Variants in EWSR1 observed in about 807,000 individuals in gnomAD.
EWSR1 encodes the protein RNA-binding protein EWS.
Under a neutral mutation model 92.1 loss-of-function variants are expected in EWSR1, and 14 were observed. The ratio of observed to expected loss-of-function variants is 0.15; its 90% CI spans 0.10 to 0.24. The LOEUF is 0.24. Among genes scored for constraint, EWSR1 ranks in the 10% least tolerant of loss-of-function variants. The pLI is 1.00. For missense variants in EWSR1, 637 were observed against 870.9 expected, an observed-to-expected ratio of 0.73 and a Z score of 3.38; for synonymous variants, 303 against 292.9, an observed-to-expected ratio of 1.03 and a Z score of -0.35.
chr22:29,299,624 T>C lies in EWSR1; in HGVS notation c.1704T>C (p.Pro568=). The C allele has an allele frequency of 6.2e-7, 1 of 1,606,480 alleles. No individual in the cohort carries two copies. The highest frequency in any genetic ancestry group is 1.3e-5 in the African/African-American group (1 of 74,822). ...GTGGTGATCGTGGCAGAGGTGGCCC[T>C]GGTGGCATGCGGGGAGGAAGAGGTG... ...PPGGDRGRGG[P]GGMRGGRGGL... is the part of the protein sequence containing the mutation. The change falls in exon 16 of 17, where the codon CCT becomes CCC. Residue 568 remains proline, a synonymous_variant. Coordinates refer to ENST00000397938, the MANE Select transcript of EWSR1 (RefSeq NM_005243.4).
rs554467026 is a variant in EWSR1 at position 29,296,466 on chromosome 22, C to A, written c.1294+98C>A. On this transcript the variant is annotated intron_variant, in intron 12 of 16. Coordinates refer to ENST00000397938, the MANE Select transcript of EWSR1 (RefSeq NM_005243.4). Reference sequence around the variant, plus strand: ...ATAGGAGCAAGAAGACCTTCCATCTCTTCCTGGGGGAGGTAGATGGCCGGT... The same window carrying A: ...ATAGGAGCAAGAAGACCTTCCATCTATTCCTGGGGGAGGTAGATGGCCGGT... 94 of 1,444,022 alleles carry A rather than the reference C, an allele frequency of 6.5e-5. 2 individuals carry two copies. In the South Asian group the frequency reaches 1.2e-3, roughly 18 times the overall value. The allele number at this position is 1,444,022 out of a possible 1,614,324, so 89.5% of individuals were successfully genotyped here.
Position 29,268,400 on chromosome 22 carries a change from C to A in EWSR1, c.13+51C>A, listed in dbSNP as rs374736877. The stretch of plus-strand genomic sequence containing the variant: ...GCCGGCGGTAGCCGGAACGCCCAAA[C>A]TGGGGGTCGTTCGTCTCTGGGCTTG... On this transcript the variant is annotated intron_variant, in intron 1 of 16. Transcript: ENST00000397938. The A allele has an allele frequency of 1.3e-4, 204 of 1,613,766 alleles. No individual in the cohort carries two copies. The African/African-American group carries it at 2.0e-3, about 16-fold the overall frequency.
At chr22:29,268,498 G>C in intron 1 of EWSR1, 149 bp downstream of exon 1, 1 of 1,432,234 alleles carries the variant, frequency 7.0e-7, no homozygotes, top group Admixed American at 1.7e-5. Flanking sequence ...TCGGGGATCC[G>C]CATTCCTCTC....
At chr22:29,284,801 T>G (rs1890325975) in intron 6 of EWSR1, among the ~76,000 whole-genome samples, 1 of 151,178 alleles carries the variant, frequency 6.6e-6, no homozygotes, top group South Asian at 2.1e-4. Flanking sequence ...CCAGATGGGT[T>G]TTTTTGTTTT....
At chr22:29,289,622 A>G (rs1221449887) in intron 8 of EWSR1, 4 of 232,414 alleles carry the variant, frequency 1.7e-5, no homozygotes, top group African/African-American at 8.8e-5. Flanking sequence ...CCCTATATAA[A>G]CTGGTAAAGA....
intron 10 of EWSR1, 78 bp downstream of exon 10, chr22:29,292,247 C>G (rs2060494848): frequency 7.2e-6 from 10 of 1,383,230 alleles, no homozygotes; most frequent in Non-Finnish European, 1.0e-5. Context: ...GCGTAGAGTT[C>G]AGCAGCCTTA....
At position 29,295,488 on chromosome 22, in the gene EWSR1, C is replaced by G. The variant is rs549496802; in HGVS notation, c.1165-751C>G. On this transcript the variant is annotated intron_variant, in intron 11 of 16. Coordinates refer to ENST00000397938, the MANE Select transcript of EWSR1 (RefSeq NM_005243.4). ...CAAAAAAGAAAAAAATGCATTTCCA[C>G]ATTATTCATACCACAGTTTTGCCAT... 78 of 209,936 alleles carry G rather than the reference C, an allele frequency of 3.7e-4. 1 individual carries two copies. Among genetic ancestry groups the G allele is most frequent in the African/African-American group, 1.7e-3 (74 of 44,070 alleles). 13.0% of individuals were successfully genotyped at this position (209,936 alleles called of 1,614,324 possible).
intron 12 of EWSR1, among the ~76,000 whole-genome samples, chr22:29,296,808 A>G (rs1402302023): frequency 6.6e-6 from 1 of 152,212 alleles, no homozygotes; most frequent in Non-Finnish European, 1.5e-5. Flanking sequence ...TGGGAGGCCA[A>G]CATCGGTGCA....
At chr22:29,277,304 C>T (rs762876963) in intron 4 of EWSR1, 7 of 226,930 alleles carry the variant, frequency 3.1e-5, no homozygotes, top group Admixed American at 5.7e-5. Context: ...AACTTGATAA[C>T]GAGGCAGGAA....
intron 12 of EWSR1, 80 bp from the exon 13 acceptor site, chr22:29,297,747 G>C: frequency 6.4e-7 from 1 of 1,566,880 alleles, no homozygotes. Flanking sequence ...ATGCATCTGG[G>C]AGTGGTCATT....
intron 4 of EWSR1, among the ~76,000 whole-genome samples, chr22:29,274,076 G>C (rs1188279021): frequency 6.6e-6 from 1 of 152,192 alleles, no homozygotes; most frequent in African/African-American, 2.4e-5. Context: ...AATTCCAAGA[G>C]AGAAAAGAAC....
intron 5 of EWSR1, among the ~76,000 whole-genome samples, chr22:29,281,300 C>T (rs951035185): frequency 6.6e-6 from 1 of 150,994 alleles, no homozygotes; most frequent in South Asian, 2.1e-4. Flanking sequence ...TAGGCATGAG[C>T]CACCGCACCT....
At chr22:29,270,543 C>G (rs1328707064) in intron 1 of EWSR1, among the ~76,000 whole-genome samples, 1 of 152,200 alleles carries the variant, frequency 6.6e-6, no homozygotes, top group Non-Finnish European at 1.5e-5. Flanking sequence ...TTGCTACCTT[C>G]TATAGCCCAC....
At chr22:29,278,780 G>A (rs1023911900) in intron 5 of EWSR1, among the ~76,000 whole-genome samples, 1 of 151,164 alleles carries the variant, frequency 6.6e-6, no homozygotes, top group African/African-American at 2.4e-5. Context: ...AGCTGAGATC[G>A]CTCCACTGCA....
intron 13 of EWSR1, among the ~76,000 whole-genome samples, chr22:29,298,442 G>C (rs942159623): frequency 2.6e-5 from 4 of 151,850 alleles, no homozygotes; most frequent in African/African-American, 7.3e-5. Context: ...GGGGGGTGGA[G>C]GTTGCAGTGA....
In EWSR1 at chr22:29,286,914, C is replaced by G. The variant is rs189387468; in HGVS notation, c.582-9C>G. On this transcript the variant is annotated splice_polypyrimidine_tract_variant and intron_variant, in intron 6 of 16. Transcript: ENST00000397938. Reference sequence around the variant, plus strand: ...AAGCTTTTTTTTTTTTCTCTTCTCTCTCTTTCAGCTATTCCTCTACACAGC... The same window carrying G: ...AAGCTTTTTTTTTTTTCTCTTCTCTGTCTTTCAGCTATTCCTCTACACAGC... 3.8e-3 allele frequency: 6,046 copies of G among 1,589,418 alleles called. 19 individuals carry two copies. The highest frequency in any genetic ancestry group is 4.6e-3 in the Non-Finnish European group (5,315 of 1,165,136).
At chr22:29,275,909 C>A (rs759544296) in intron 4 of EWSR1, 1 of 225,316 alleles carries the variant, frequency 4.4e-6, no homozygotes, top group Non-Finnish European at 8.7e-6. Context: ...TTTTTTGCCA[C>A]TGGTCTTTTG....
chr22:29,297,431 C>A (rs1309406840), intron 12 of EWSR1, among the ~76,000 whole-genome samples: 1 of 152,090 alleles, frequency 6.6e-6, no homozygotes, highest in Non-Finnish European at 1.5e-5. Context: ...GTGGCTCTTG[C>A]CTATAATCCT....
intron 4 of EWSR1, chr22:29,274,428 A>C: frequency 1.2e-6 from 1 of 816,572 alleles, no homozygotes; most frequent in Admixed American, 2.1e-5. Flanking sequence ...AAACTGCTTC[A>C]GGTGCCATTT....
Sources: gnomAD v4.1 joint callset for allele counts (sites outside exome capture counted in the v4.1 genomes callset) on GRCh38, gnomAD v4.1.1 for gene constraint, MANE v1.5 for transcripts, NCBI Gene and HGNC (gene_info 2026-07-23, HGNC 2026-07-21) for gene names.